Variants in IGF1R observed in about 807,000 individuals in gnomAD.
The protein encoded by IGF1R is insulin-like growth factor 1 receptor.
A neutral mutation model predicts 144.6 loss-of-function variants in IGF1R; 44 were observed. The ratio of observed to expected loss-of-function variants is 0.30; its 90% CI spans 0.24 to 0.39. IGF1R has a LOEUF of 0.39. Ranked by LOEUF, IGF1R falls within the 10% of genes least tolerant of loss-of-function variation. The probability of loss-of-function intolerance (pLI) is 1.00; values close to 1 mark genes in which losing one functional copy is unlikely to be tolerated. For synonymous variants in IGF1R, 795 were observed against 722.8 expected (o/e 1.10, Z -1.60); for missense variants, 1,355 against 1,833.7 (o/e 0.74, Z 4.77).
chr15:98,817,227 G>A (rs899291028), intron 2 of IGF1R, among the ~76,000 whole-genome samples: 18 of 152,056 alleles, frequency 1.2e-4, no homozygotes, highest in Middle Eastern at 3.4e-3. Flanking sequence ...GCTTGAACCC[G>A]GGAGGCAGAG....
chr15:98,913,073 G>T lies in IGF1R; in HGVS notation c.1619G>T (p.Gly540Val). 6.2e-7 allele frequency: 1 copy of T among 1,614,050 alleles called. No individual in the cohort carries two copies. Among genetic ancestry groups the T allele is most frequent in the South Asian group, 1.1e-5 (1 of 91,072 alleles). ...TTTAAGAATGTCACAGAGTATGATGGGCAGGATGCCTGCGGCTCCAACAGC... is the reference window on the plus strand; with the variant it reads ...TTTAAGAATGTCACAGAGTATGATGTGCAGGATGCCTGCGGCTCCAACAGC... ...APFKNVTEYDGQDACGSNSWN... is the reference protein window; with the variant it reads ...APFKNVTEYDVQDACGSNSWN... Residue 540 changes from glycine (G) to valine (V), a missense_variant, in exon 8 of 21, where the codon GGG (glycine) becomes GTG (valine). By Grantham distance (109) the Gly-to-Val change is moderately radical (BLOSUM62 -3). Around this residue, in one of 7 missense-constraint regions of IGF1R, gnomAD observed 880 missense variants for 1,202.7 expected, o/e 0.73. Coordinates refer to ENST00000650285, the MANE Select transcript of IGF1R (RefSeq NM_000875.5).
In IGF1R at chr15:98,837,036, T is replaced by C. The variant is rs114838354; in HGVS notation, c.641-54289T>C. On this transcript the variant is annotated intron_variant, in intron 2 of 20. Transcript: ENST00000650285. ...TCTGCTTTTCGCATTGTTACTGATA[T>C]CTTAGGGCTGATACTCACAGTATGC... 6.8e-3 allele frequency among the ~76,000 whole-genome samples: 1,036 copies of C among 152,332 alleles called. 12 individuals carry two copies. Among genetic ancestry groups the C allele is most frequent in the African/African-American group, 0.023 (976 of 41,580 alleles).
At position 98,957,335 on chromosome 15, in the gene IGF1R, G is replaced by C. The variant is rs774259609; in HGVS notation, c.3997G>C (p.Val1333Leu). The change falls in exon 21 of 21, where the codon GTG (valine) becomes CTG (leucine). Residue 1333 changes from valine to leucine, a missense_variant. Transcript: ENST00000650285. ...GGCCGAGAACGGCCCCGGCCCTGGG[G>C]TGCTGGTCCTCCGCGCCAGCTTCGA... ...HKAENGPGPG[V>L]LVLRASFDER... is the part of the protein sequence containing the mutation. 6.8e-6 allele frequency: 11 copies of C among 1,612,270 alleles called. 1 individual carries two copies. In the South Asian group the frequency reaches 1.2e-4, roughly 18 times the overall value.
chr15:98,697,263 T>C (rs2053616081), intron 1 of IGF1R, among the ~76,000 whole-genome samples: 1 of 152,216 alleles, frequency 6.6e-6, no homozygotes, highest in African/African-American at 2.4e-5. Flanking sequence ...GCTTCTGCCC[T>C]TGAAACATCA....
chr15:98,963,598 A>AGACTT lies in IGF1R; in HGVS notation c.*6161_*6165dup. ...TCAGCACAGTGCCATGGACATGGGA[A>AGACTT]GACTTGACTGCACAGCCAATGGTTT... On this transcript the variant is annotated 3_prime_UTR_variant, in exon 21 of 21. Coordinates refer to ENST00000650285, the MANE Select transcript of IGF1R (RefSeq NM_000875.5). The AGACTT allele has an allele frequency of 4.3e-6, 1 of 233,302 alleles. No homozygotes were observed. Among genetic ancestry groups the AGACTT allele is most frequent in the Non-Finnish European group, 8.5e-6 (1 of 118,052 alleles). The allele number at this position is 233,302 out of a possible 1,614,324, so 14.5% of individuals were successfully genotyped here.
chr15:98,912,523 T>TA (rs1402353101), intron 7 of IGF1R, among the ~76,000 whole-genome samples: 1 of 152,266 alleles, frequency 6.6e-6, no homozygotes, highest in African/African-American at 2.4e-5. Context: ...TGTCAGCTGG[T>TA]AATTTCACTG....
At chr15:98,902,164 GC>G (rs1275916459) in intron 5 of IGF1R, among the ~76,000 whole-genome samples, 1 of 152,040 alleles carries the variant, frequency 6.6e-6, no homozygotes, top group Non-Finnish European at 1.5e-5. Context: ...TGTCCAAGTT[GC>G]ACCCCCACCC....
At chr15:98,751,885 C>T (rs1411030336) in intron 2 of IGF1R, among the ~76,000 whole-genome samples, 4 of 152,138 alleles carry the variant, frequency 2.6e-5, no homozygotes, top group African/African-American at 7.2e-5. Context: ...TTTGTGTGGA[C>T]GTCTCCCACC....
chr15:98,942,948 T>C lies in IGF1R; in HGVS notation c.3483T>C (p.Tyr1161=), dbSNP rs775378773. 3 of 1,614,212 alleles carry C rather than the reference T, an allele frequency of 1.9e-6. No individual in the cohort carries two copies. The highest frequency in any genetic ancestry group is 1.7e-5 in the Admixed American group (1 of 60,028). The change falls in exon 19 of 21, where the codon TAT becomes TAC. Residue 1161 remains tyrosine, a synonymous_variant. Transcript: ENST00000650285. ...IGDFGMTRDI[Y]ETDYYRKGGK... ...ATTTTGGTATGACGCGAGATATCTATGAGACAGACTATTACCGGAAAGGAG... is the reference window on the plus strand; with the variant it reads ...ATTTTGGTATGACGCGAGATATCTACGAGACAGACTATTACCGGAAAGGAG...
chr15:98,955,273 G>C (rs1280678370), intron 20 of IGF1R, among the ~76,000 whole-genome samples: 2 of 152,234 alleles, frequency 1.3e-5, no homozygotes, highest in African/African-American at 4.8e-5. Context: ...TTCCATAAAA[G>C]TGGCCACATG....
intron 2 of IGF1R, among the ~76,000 whole-genome samples, chr15:98,877,356 C>T (rs769248955): frequency 1.5e-4 from 23 of 152,054 alleles, no homozygotes; most frequent in Admixed American, 2.6e-4. Context: ...GAGAAGTTAA[C>T]GCCACAGGTA....
At chr15:98,954,747 G>GGCAGGGAGAT (rs927490871) in intron 20 of IGF1R, among the ~76,000 whole-genome samples, 7 of 152,170 alleles carry the variant, frequency 4.6e-5, no homozygotes, top group African/African-American at 1.7e-4. Context: ...TCACAGCCCA[G>GGCAGGGAGAT]GCATTTCATG....
intron 2 of IGF1R, among the ~76,000 whole-genome samples, chr15:98,851,669 C>T (rs1169127436): frequency 6.6e-6 from 1 of 152,166 alleles, no homozygotes; most frequent in East Asian, 1.9e-4. Context: ...TTTCCCCTGG[C>T]TGGGGGTCCT....
intron 5 of IGF1R, among the ~76,000 whole-genome samples, chr15:98,901,266 C>CCTG (rs1321409011): frequency 2.0e-5 from 3 of 152,174 alleles, no homozygotes; most frequent in Non-Finnish European, 2.9e-5. Flanking sequence ...TTGGGTTTTC[C>CCTG]CTGCTGCTGC....
In IGF1R at chr15:98,648,947, C is replaced by T. The variant is rs1197030949; in HGVS notation, c.-635C>T. Reference sequence around the variant, plus strand: ...TGCTGAGCGCGGCGCGGCCGGCCCGCCGCTTTGTGTGTGTCCTGGATTTGG... The same window carrying T: ...TGCTGAGCGCGGCGCGGCCGGCCCGTCGCTTTGTGTGTGTCCTGGATTTGG... On this transcript the variant is annotated 5_prime_UTR_variant, in exon 1 of 21. Transcript: ENST00000650285. The T allele has an allele frequency of 2.6e-5, 5 of 191,116 alleles. No homozygotes were observed. Among genetic ancestry groups the T allele is most frequent in the African/African-American group, 4.7e-5 (2 of 42,430 alleles). 11.8% of individuals were successfully genotyped at this position (191,116 alleles called of 1,614,324 possible).
chr15:98,822,569 G>T (rs1424662638), intron 2 of IGF1R, among the ~76,000 whole-genome samples: 1 of 152,188 alleles, frequency 6.6e-6, no homozygotes, highest in East Asian at 1.9e-4. Flanking sequence ...TCGGCTTCTG[G>T]TTGGTTGGGT....
intron 15 of IGF1R, among the ~76,000 whole-genome samples, chr15:98,933,207 T>C (rs1440071605): frequency 6.6e-6 from 1 of 152,216 alleles, no homozygotes; most frequent in Non-Finnish European, 1.5e-5. Context: ...AACAGGTTGA[T>C]TTTATTTTCG....
At chr15:98,672,156 G>T (rs1211037036) in intron 1 of IGF1R, among the ~76,000 whole-genome samples, 1 of 152,156 alleles carries the variant, frequency 6.6e-6, no homozygotes, top group African/African-American at 2.4e-5. Flanking sequence ...ATTTTTGCCT[G>T]TAAAAGAATT....
Position 98,768,206 on chromosome 15 carries a change from G to A in IGF1R, c.640+60099G>A, listed in dbSNP as rs138136127. On this transcript the variant is annotated intron_variant, in intron 2 of 20. Transcript: ENST00000650285. ...TTGTGTGTTCAGGAAATTGGGCACC[G>A]AGATTTTTTTTGTATCTTTGATTTT... Among the ~76,000 whole-genome samples the A allele has an allele frequency of 1.6e-3, 241 of 152,324 alleles. 4 individuals carry two copies. The highest frequency in any genetic ancestry group is 5.5e-3 in the African/African-American group (227 of 41,580).
Sources: gnomAD v4.1 joint callset for allele counts (sites outside exome capture counted in the v4.1 genomes callset) on GRCh38, gnomAD v4.1.1 for gene constraint, gnomAD v4.1.1 regional missense constraint, MANE v1.5 for transcripts, NCBI Gene and HGNC (gene_info 2026-07-23, HGNC 2026-07-21) for gene names.